COL22A1: variants seen among roughly 807,000 people sequenced by gnomAD.
COL22A1 encodes collagen type XXII alpha 1 chain.
COL22A1 carries 221 observed loss-of-function variants against 248.9 expected under a neutral mutation model. The observed-to-expected ratio is 0.89, with a 90% CI of 0.80 to 0.99. The LOEUF (loss-of-function observed/expected upper bound fraction) is 0.99. COL22A1 is among the 50% of genes least tolerant of loss of function. The pLI is 0.00. For synonymous variants in COL22A1, 891 were observed against 793.4 expected, an observed-to-expected ratio of 1.12 and a Z score of -2.07; for missense variants, 2,240 against 2,179.0, an observed-to-expected ratio of 1.03 and a Z score of -0.56.
chr8:138,733,384 TG>T (rs559368817), intron 23 of COL22A1, among the ~76,000 whole-genome samples: 193 of 152,366 alleles, frequency 1.3e-3, no homozygotes, highest in Non-Finnish European at 2.4e-3. Flanking sequence ...CCAGCCACCC[TG>T]GGGCTTTGCA....
chr8:138,687,932 T>A (rs562598452), intron 37 of COL22A1, among the ~76,000 whole-genome samples: 62 of 152,242 alleles, frequency 4.1e-4, no homozygotes, highest in African/African-American at 1.3e-3. Context: ...AAAAAATATC[T>A]CCCTGGGTAA....
chr8:138,712,089 C>T (rs917866953), intron 30 of COL22A1, among the ~76,000 whole-genome samples: 1 of 152,214 alleles, frequency 6.6e-6, no homozygotes, highest in African/African-American at 2.4e-5. Context: ...CAGGACAGTC[C>T]TGCACTCAGT....
intron 1 of COL22A1, among the ~76,000 whole-genome samples, chr8:138,909,652 G>A (rs1268469043): frequency 6.6e-6 from 1 of 152,182 alleles, no homozygotes; most frequent in Non-Finnish European, 1.5e-5. Context: ...TTAGTAACTG[G>A]GAGTGTACAA....
chr8:138,607,899 C>T (rs1455608609), intron 57 of COL22A1, 37 bp downstream of exon 57: 5 of 1,605,468 alleles, frequency 3.1e-6, no homozygotes, highest in East Asian at 2.2e-5. Context: ...TCAAAGCCCA[C>T]CCTGATGCCA....
At position 138,894,106 on chromosome 8, in the gene COL22A1, G is replaced by A. The variant is rs77872061; in HGVS notation, c.-72-10862C>T. Among the ~76,000 whole-genome samples, 1,198 of 152,338 alleles carry A rather than the reference G, an allele frequency of 7.9e-3. 19 individuals carry two copies. Among genetic ancestry groups the A allele is most frequent in the African/African-American group, 0.027 (1,126 of 41,568 alleles). ...AATGAAAATTCAGGCTGGAGCAGAA[G>A]GTAGGAATTCATGGGGAGGAAGGCA... On this transcript the variant is annotated intron_variant, in intron 1 of 64. Coordinates refer to ENST00000303045, the MANE Select transcript of COL22A1 (RefSeq NM_152888.3).
At chr8:138,758,357 A>G (rs1833196647) in intron 18 of COL22A1, among the ~76,000 whole-genome samples, 1 of 152,246 alleles carries the variant, frequency 6.6e-6, no homozygotes. Context: ...GTGTGAGATC[A>G]TACATGATTG....
In COL22A1 at chr8:138,781,079, T is replaced by C. The variant is rs1014591479; in HGVS notation, c.1597-99A>G. ...AGAACGTGCCAGGAAGGGAAGGAAA[T>C]TGTGACCAAGACTGCTGCTCAAAAA... On this transcript the variant is annotated intron_variant, in intron 12 of 64. Transcript: ENST00000303045. 8.3e-6 allele frequency: 7 copies of C among 839,008 alleles called. No individual in the cohort carries two copies. The African/African-American group carries it at 8.5e-5, about 10-fold the overall frequency. The allele number at this position is 839,008 out of a possible 1,614,324, so 52.0% of individuals were successfully genotyped here.
At chr8:138,733,165 A>T (rs905559132) in intron 23 of COL22A1, among the ~76,000 whole-genome samples, 1 of 152,116 alleles carries the variant, frequency 6.6e-6, no homozygotes, top group African/African-American at 2.4e-5. Flanking sequence ...AATTCAAGGG[A>T]CTTTGTCCTG....
intron 32 of COL22A1, among the ~76,000 whole-genome samples, chr8:138,696,897 T>C (rs1027391813): frequency 7.2e-5 from 11 of 152,124 alleles, no homozygotes; most frequent in Non-Finnish European, 1.5e-4. Flanking sequence ...AAACTACCCA[T>C]GGTGGGGATT....
rs267601787 is a variant in COL22A1 at position 138,596,916 on chromosome 8, T to C, written c.4420A>G (p.Lys1474Glu). 6.2e-7 allele frequency: 1 copy of C among 1,613,984 alleles called. No individual in the cohort carries two copies. The highest frequency in any genetic ancestry group is 8.5e-7 in the Non-Finnish European group (1 of 1,179,912). The part of the protein sequence containing the change: ...LRRLIQEELG[K>E]QLETRLAYLL... Reference sequence around the variant, plus strand: ...TCCAGATACTCACTTTCAAGCTGCTTCCCCAGCTCTTCTTGAATAAGCCGA... The same window carrying C: ...TCCAGATACTCACTTTCAAGCTGCTCCCCCAGCTCTTCTTGAATAAGCCGA... Residue 1474 changes from lysine (K) to glutamate (E), a missense_variant, in exon 62 of 65, where the codon AAG (lysine) becomes GAG (glutamate). Coordinates refer to ENST00000303045, the MANE Select transcript of COL22A1 (RefSeq NM_152888.3).
chr8:138,817,806 A>G (rs1371782995), intron 7 of COL22A1, among the ~76,000 whole-genome samples: 1 of 152,214 alleles, frequency 6.6e-6, no homozygotes, highest in Non-Finnish European at 1.5e-5. Context: ...AGCACTTCAC[A>G]TATGATACAG....
At chr8:138,634,964 C>G (rs1821024990) in intron 49 of COL22A1, 46 bp downstream of exon 49, 1 of 1,317,920 alleles carries the variant, frequency 7.6e-7, no homozygotes, top group Non-Finnish European at 1.1e-6. Context: ...GATGTGCATT[C>G]AAATGTCAAG....
At chr8:138,602,055 T>C (rs1564083321) in intron 60 of COL22A1, 60 bp downstream of exon 60, 5 of 1,580,604 alleles carry the variant, frequency 3.2e-6, no homozygotes, top group Non-Finnish European at 4.3e-6. Context: ...CTCAACATCC[T>C]GTGGCCACTG....
intron 3 of COL22A1, among the ~76,000 whole-genome samples, chr8:138,850,734 G>C (rs1821575370): frequency 6.6e-6 from 1 of 152,200 alleles, no homozygotes; most frequent in African/African-American, 2.4e-5. Context: ...GAAGCTCTGG[G>C]GTCAGACAGA....
At chr8:138,599,012 G>A (rs1486076936) in intron 60 of COL22A1, 114 bp from the exon 61 acceptor site, 1 of 1,042,502 alleles carries the variant, frequency 9.6e-7, no homozygotes, top group African/African-American at 1.6e-5. Context: ...GGGAGACCTT[G>A]GCCCTGGGTG....
chr8:138,612,086 T>A (rs1818908480), intron 56 of COL22A1, among the ~76,000 whole-genome samples: 1 of 151,802 alleles, frequency 6.6e-6, no homozygotes, highest in Admixed American at 6.6e-5. Flanking sequence ...TATATGCTTG[T>A]AGGCATATTG....
intron 4 of COL22A1, among the ~76,000 whole-genome samples, chr8:138,839,257 CCATCATGAA>C (rs1820681293): frequency 6.6e-6 from 1 of 152,058 alleles, no homozygotes. Flanking sequence ...GCTCAGGTTG[CCATCATGAA>C]CAAGCATCTG....
chr8:138,790,240 C>T (rs188378368), intron 12 of COL22A1, among the ~76,000 whole-genome samples: 4 of 152,152 alleles, frequency 2.6e-5, no homozygotes, highest in African/African-American at 9.7e-5. Context: ...TCACGGTAAC[C>T]TGACATGGTG....
intron 56 of COL22A1, among the ~76,000 whole-genome samples, chr8:138,613,415 G>T (rs1008105094): frequency 1.3e-5 from 2 of 152,166 alleles, no homozygotes; most frequent in Admixed American, 6.5e-5. Context: ...GAATGATTCT[G>T]TCTCAGCCTC....
Sources: gnomAD v4.1 joint callset for allele counts (sites outside exome capture counted in the v4.1 genomes callset) on GRCh38, gnomAD v4.1.1 for gene constraint, MANE v1.5 for transcripts, NCBI Gene and HGNC (gene_info 2026-07-23, HGNC 2026-07-21) for gene names.